Variants in TECPR2 observed in about 807,000 individuals in gnomAD.
The protein encoded by TECPR2 is tectonin beta-propeller repeat-containing protein 2.
A neutral mutation model predicts 138.1 loss-of-function variants in TECPR2; 65 were observed. That is an observed-to-expected ratio of 0.47 (90% CI 0.39 to 0.58). TECPR2 has a LOEUF of 0.58. Ranked by LOEUF, TECPR2 falls within the 20% of genes least tolerant of loss-of-function variation. The probability of loss-of-function intolerance (pLI) is 0.00; values close to 1 mark genes in which losing one functional copy is unlikely to be tolerated. For synonymous variants in TECPR2, 746 were observed against 749.8 expected, an observed-to-expected ratio of 0.99 and a Z score of 0.08; for missense variants, 1,553 against 1,824.5, an observed-to-expected ratio of 0.85 and a Z score of 2.71.
At chr14:102,368,342 T>C (rs1241978675) in intron 1 of TECPR2, among the ~76,000 whole-genome samples, 1 of 151,992 alleles carries the variant, frequency 6.6e-6, no homozygotes, top group Non-Finnish European at 1.5e-5. Context: ...TTTGGAGAAA[T>C]GTTTCTTAGA....
In TECPR2 at chr14:102,445,788, TCTC is replaced by T. The variant is rs746828934; in HGVS notation, c.2934-12_2934-10del. 1.2e-5 allele frequency: 19 copies of T among 1,612,138 alleles called. No homozygotes were observed. The highest frequency in any genetic ancestry group is 2.7e-5 in the African/African-American group (2 of 74,754). On this transcript the variant is annotated splice_polypyrimidine_tract_variant and intron_variant, in intron 12 of 19. Transcript: ENST00000359520. ...TGCCTATGGGTGCTGACCCCCCTGT[TCTC>T]CTCCTTATTTTCAGCGAAAGGCAAG...
intron 17 of TECPR2, among the ~76,000 whole-genome samples, chr14:102,480,807 A>G (rs1890874476): frequency 6.9e-6 from 1 of 144,302 alleles, no homozygotes; most frequent in Non-Finnish European, 1.5e-5. Context: ...GGCGTGTGCC[A>G]CTGTGCCTGG....
chr14:102,449,300 AG>A (rs1376891680), intron 13 of TECPR2, among the ~76,000 whole-genome samples: 1 of 152,244 alleles, frequency 6.6e-6, no homozygotes, highest in Non-Finnish European at 1.5e-5. Context: ...TCTTCTTAGA[AG>A]GGGTGTGAGG....
At position 102,406,364 on chromosome 14, in the gene TECPR2, C is replaced by T. The variant is rs185115241; in HGVS notation, c.220-974C>T. ...GAGATCGAGACCATCCTGCCTAACA[C>T]GGTGAAACCCCGTCTCTACTAAAAA... On this transcript the variant is annotated intron_variant, in intron 2 of 19. Coordinates refer to ENST00000359520, the MANE Select transcript of TECPR2 (RefSeq NM_014844.5). 4.4e-3 allele frequency among the ~76,000 whole-genome samples: 666 copies of T among 151,432 alleles called. 1 individual carries two copies. The highest frequency in any genetic ancestry group is 0.024 in the Middle Eastern group (7 of 288).
intron 2 of TECPR2, among the ~76,000 whole-genome samples, chr14:102,395,201 T>C (rs898715470): frequency 6.6e-6 from 1 of 152,230 alleles, no homozygotes; most frequent in African/African-American, 2.4e-5. Flanking sequence ...CGGCTTTTCA[T>C]GTGCAACAGC....
chr14:102,446,483 C>T (rs1411961615), intron 13 of TECPR2, among the ~76,000 whole-genome samples: 4 of 152,148 alleles, frequency 2.6e-5, no homozygotes, highest in Admixed American at 2.6e-4. Flanking sequence ...CCGTTGGTCC[C>T]AACTACTCGG....
At chr14:102,425,513 G>A (rs564045108) in intron 6 of TECPR2, among the ~76,000 whole-genome samples, 9 of 152,186 alleles carry the variant, frequency 5.9e-5, no homozygotes, top group African/African-American at 1.4e-4. Flanking sequence ...ATTTTCTGCC[G>A]AGAAATGATG....
At chr14:102,402,481 A>C (rs557936012) in intron 2 of TECPR2, among the ~76,000 whole-genome samples, 8 of 152,282 alleles carry the variant, frequency 5.3e-5, no homozygotes, top group Admixed American at 4.6e-4. Flanking sequence ...TTTACCATTT[A>C]AGGAACTAGA....
At chr14:102,371,175 A>G (rs1326750957) in intron 1 of TECPR2, among the ~76,000 whole-genome samples, 1 of 152,094 alleles carries the variant, frequency 6.6e-6, no homozygotes, top group Non-Finnish European at 1.5e-5. Flanking sequence ...CTCGGTGGAA[A>G]GAGGGTCAGT....
chr14:102,363,057 G>T lies in TECPR2; in HGVS notation c.-132G>T. The T allele has an allele frequency of 1.7e-6, 1 of 578,532 alleles. No individual in the cohort carries two copies. The highest frequency in any genetic ancestry group is 2.9e-6 in the Non-Finnish European group (1 of 346,864). 35.8% of individuals were successfully genotyped at this position (578,532 alleles called of 1,614,324 possible). A position where few individuals can be genotyped will look rare whatever the true frequency, so the allele number is the denominator to read the frequency against. On this transcript the variant is annotated 5_prime_UTR_variant, in exon 1 of 20. Coordinates refer to ENST00000359520, the MANE Select transcript of TECPR2 (RefSeq NM_014844.5). ...CTCCCGGCAGCCCCCGCGGCCCGGA[G>T]TCCATCCCGCCTCCTCCGGCCCGGC...
chr14:102,470,509 T>C (rs553502431), intron 17 of TECPR2, among the ~76,000 whole-genome samples: 24 of 152,058 alleles, frequency 1.6e-4, no homozygotes, highest in African/African-American at 5.8e-4. Context: ...GGTTTCACCA[T>C]GTTGGCCAGG....
rs879597211 is a variant in TECPR2, at chr14:102,420,076, C to G, written c.639-4903C>G. Among the ~76,000 whole-genome samples the G allele has an allele frequency of 6.6e-6, 1 of 152,174 alleles. No homozygotes were observed. The highest frequency in any genetic ancestry group is 1.5e-5 in the Non-Finnish European group (1 of 68,036). ...AGGCTCCCATTTTGGGTGCTGTCAG[C>G]TTTCAGCGTATCAGCTCTGTGGCAC... On this transcript the variant is annotated intron_variant, in intron 5 of 19. Transcript: ENST00000359520. This position sits in a 1 kb window ranked among gnomAD's most constrained non-coding sequence, Gnocchi z 4.1.
In TECPR2 at chr14:102,440,625, G is replaced by C. The variant is rs750344169; in HGVS notation, c.2752+16G>C. On this transcript the variant is annotated intron_variant, in intron 11 of 19. Transcript: ENST00000359520. Reference sequence around the variant, plus strand: ...TTGCAGACAGGTAACCGCGGGCCACGCTTAGAGGCCTGCCAGCTCTGCCGT... The same window carrying C: ...TTGCAGACAGGTAACCGCGGGCCACCCTTAGAGGCCTGCCAGCTCTGCCGT... The C allele has an allele frequency of 6.2e-6, 10 of 1,606,672 alleles. No homozygotes were observed. Among genetic ancestry groups the C allele is most frequent in the Admixed American group, 1.7e-5 (1 of 59,154 alleles).
At chr14:102,427,123 G>C (rs1889344941) in intron 6 of TECPR2, among the ~76,000 whole-genome samples, 1 of 152,136 alleles carries the variant, frequency 6.6e-6, no homozygotes, top group South Asian at 2.1e-4. Flanking sequence ...CATCGACTTA[G>C]GGGAATCACC....
chr14:102,399,443 T>C (rs1185453158), intron 2 of TECPR2, among the ~76,000 whole-genome samples: 5 of 152,144 alleles, frequency 3.3e-5, no homozygotes, highest in Non-Finnish European at 7.4e-5. Flanking sequence ...AGGGAGTTCA[T>C]TAGCCACAAG....
intron 4 of TECPR2, among the ~76,000 whole-genome samples, chr14:102,410,324 G>C (rs969728514): frequency 7.1e-6 from 1 of 140,160 alleles, no homozygotes; most frequent in Non-Finnish European, 1.6e-5. Context: ...CAAACACTGC[G>C]GAAGGCCGCA....
intron 13 of TECPR2, among the ~76,000 whole-genome samples, chr14:102,447,468 G>T (rs184901118): frequency 2.0e-5 from 3 of 152,250 alleles, no homozygotes; most frequent in East Asian, 1.9e-4. Context: ...TTTAGTGTTA[G>T]TGTTGCTCCC....
Position 102,500,504 on chromosome 14 carries a change from G to A in TECPR2, c.*2247G>A, listed in dbSNP as rs561686417. The stretch of plus-strand genomic sequence containing the variant: ...GGTTCTGTATCTTCAGCCAGCAAAC[G>A]AAACCATATCGCAAACCAGAGCTGC... On this transcript the variant is annotated 3_prime_UTR_variant, in exon 20 of 20. Transcript: ENST00000359520. 2.6e-5 allele frequency: 4 copies of A among 152,396 alleles called. No individual in the cohort carries two copies. The highest frequency in any genetic ancestry group is 2.1e-4 in the South Asian group (1 of 4,824). 9.4% of individuals were successfully genotyped at this position (152,396 alleles called of 1,614,324 possible).
intron 5 of TECPR2, among the ~76,000 whole-genome samples, chr14:102,424,318 A>C (rs895907963): frequency 6.6e-6 from 1 of 152,164 alleles, no homozygotes; most frequent in Non-Finnish European, 1.5e-5. Context: ...GCGGTCCATC[A>C]TTGACTAAAA....
Sources: gnomAD v4.1 joint callset for allele counts (sites outside exome capture counted in the v4.1 genomes callset) on GRCh38, gnomAD v4.1.1 for gene constraint, Gnocchi (gnomAD v3.1) non-coding constraint, MANE v1.5 for transcripts, NCBI Gene and HGNC (gene_info 2026-07-23, HGNC 2026-07-21) for gene names.